Variants in ZNF423 observed in about 807,000 individuals in gnomAD.
ZNF423 encodes Ebf-associated zinc finger protein.
ZNF423 carries 12 observed loss-of-function variants against 95.8 expected under a neutral mutation model. That is an observed-to-expected ratio of 0.13 (90% CI 0.08 to 0.20). The LOEUF (loss-of-function observed/expected upper bound fraction) is 0.20, where lower values mean the gene tolerates loss of function less well. Among genes scored for constraint, ZNF423 ranks in the 10% least tolerant of loss-of-function variants. ZNF423 has a pLI of 1.00. For synonymous variants in ZNF423, 749 were observed against 711.9 expected (o/e 1.05, Z -0.83); for missense variants, 1,316 against 1,737.1 (o/e 0.76, Z 4.31).
chr16:49,779,924 C>T (rs2034182446), intron 2 of ZNF423, among the ~76,000 whole-genome samples: 1 of 152,148 alleles, frequency 6.6e-6, no homozygotes, highest in Non-Finnish European at 1.5e-5. Context: ...CTTGCTGGGG[C>T]AGATGGTCCC....
At chr16:49,776,491 T>C (rs1270644684) in intron 2 of ZNF423, among the ~76,000 whole-genome samples, 4 of 152,116 alleles carry the variant, frequency 2.6e-5, no homozygotes, top group South Asian at 2.1e-4. Context: ...TTCCCCAGCA[T>C]TACCCAGGCT....
At chr16:49,568,255 T>C (rs930259711) in intron 5 of ZNF423, among the ~76,000 whole-genome samples, 12 of 152,154 alleles carry the variant, frequency 7.9e-5, no homozygotes, top group African/African-American at 2.2e-4. Context: ...TGGAACACCA[T>C]GGAACTGCCA....
intron 1 of ZNF423, among the ~76,000 whole-genome samples, chr16:49,812,573 A>C (rs1430004646): frequency 6.6e-6 from 1 of 152,148 alleles, no homozygotes; most frequent in African/African-American, 2.4e-5. Flanking sequence ...TGCGCTACTC[A>C]GGAGGCTAAG....
chr16:49,655,459 C>A (rs898033800), intron 3 of ZNF423, among the ~76,000 whole-genome samples: 6 of 152,178 alleles, frequency 3.9e-5, no homozygotes, highest in African/African-American at 1.4e-4. Flanking sequence ...CCCCAACGAC[C>A]CAGGGCTCTC....
intron 2 of ZNF423, among the ~76,000 whole-genome samples, chr16:49,754,603 G>A (rs941213234): frequency 1.3e-5 from 2 of 152,200 alleles, no homozygotes; most frequent in Non-Finnish European, 2.9e-5. Context: ...CAGTGCAAGG[G>A]ATGGAGGGGC....
chr16:49,792,889 A>G (rs768337716), intron 1 of ZNF423, among the ~76,000 whole-genome samples: 1 of 152,016 alleles, frequency 6.6e-6, no homozygotes, highest in African/African-American at 2.4e-5. Flanking sequence ...AGCCTCCTGC[A>G]TAGCTAAGAC....
At chr16:49,529,886 C>T (rs987445179) in intron 5 of ZNF423, among the ~76,000 whole-genome samples, 1 of 152,102 alleles carries the variant, frequency 6.6e-6, no homozygotes, top group Non-Finnish European at 1.5e-5. Context: ...TCCCTGCCTA[C>T]CCCCTCTCTT....
chr16:49,581,254 C>T (rs560095210), intron 5 of ZNF423, among the ~76,000 whole-genome samples: 3 of 152,052 alleles, frequency 2.0e-5, no homozygotes, highest in Non-Finnish European at 2.9e-5. Flanking sequence ...CAATTGGGAG[C>T]GGAGAGTTTA....
intron 2 of ZNF423, among the ~76,000 whole-genome samples, chr16:49,763,926 C>G (rs1001595267): frequency 6.6e-6 from 1 of 152,174 alleles, no homozygotes; most frequent in Non-Finnish European, 1.5e-5. Flanking sequence ...TGTCTGGCAA[C>G]CAGACACCAC....
intron 1 of ZNF423, among the ~76,000 whole-genome samples, chr16:49,796,916 T>A (rs2034507472): frequency 6.6e-6 from 1 of 152,110 alleles, no homozygotes; most frequent in Non-Finnish European, 1.5e-5. Flanking sequence ...CATAGACCAA[T>A]GGCTCTCATT....
In ZNF423 at chr16:49,491,139, G is replaced by A. The variant is rs1262930527; in HGVS notation, c.*136C>T. 20 of 982,242 alleles carry A rather than the reference G, an allele frequency of 2.0e-5. No individual in the cohort carries two copies. The highest frequency in any genetic ancestry group is 3.9e-5 in the South Asian group (3 of 76,462). The allele number at this position is 982,242 out of a possible 1,614,324, so 60.8% of individuals were successfully genotyped here. A position where few individuals can be genotyped will look rare whatever the true frequency, so the allele number is the denominator to read the frequency against. ...TCATTTCCAGCTGCTTATAATAGCA[G>A]CGCCTCATGGCCAAATCATTAGAGT... On this transcript the variant is annotated 3_prime_UTR_variant, in exon 8 of 8. Transcript: ENST00000563137.
At chr16:49,534,361 C>T (rs1968979973) in intron 5 of ZNF423, among the ~76,000 whole-genome samples, 1 of 152,158 alleles carries the variant, frequency 6.6e-6, no homozygotes, top group East Asian at 1.9e-4. Context: ...TCAAGCGATT[C>T]CCCTGCCTTA....
intron 3 of ZNF423, chr16:49,711,929 C>A (rs547729112): frequency 6.6e-6 from 1 of 152,228 alleles, no homozygotes; most frequent in East Asian, 1.9e-4. Context: ...GGGCAACACA[C>A]GGTGAGACCT....
intron 5 of ZNF423, among the ~76,000 whole-genome samples, chr16:49,530,531 C>G (rs561681108): frequency 1.3e-5 from 2 of 148,262 alleles, no homozygotes; most frequent in Non-Finnish European, 2.9e-5. Flanking sequence ...GTGCCTAGAA[C>G]AGGATCTGGC....
intron 3 of ZNF423, among the ~76,000 whole-genome samples, chr16:49,722,819 T>C (rs1166652970): frequency 6.6e-6 from 1 of 152,170 alleles, no homozygotes; most frequent in Non-Finnish European, 1.5e-5. Context: ...ACCCCAAGCC[T>C]GGACATCATG....
rs201843026 is a variant in ZNF423, at chr16:49,628,566, T to C, written c.3517-2312A>G. On this transcript the variant is annotated intron_variant, in intron 4 of 7. Coordinates refer to ENST00000563137, the MANE Select transcript of ZNF423 (RefSeq NM_001379286.1). ...CCATCCATCCATCCATCCATCCATC[T>C]ATCTATCTATTTTTCTACCTATCCA... Among the ~76,000 whole-genome samples the C allele has an allele frequency of 1.0e-4, 14 of 140,192 alleles. No individual in the cohort carries two copies. In the East Asian group the frequency reaches 1.1e-3, roughly 11 times the overall value. 92.0% of individuals were successfully genotyped at this position (140,192 alleles called of 152,430 possible).
rs66522223 is a variant in ZNF423 at position 49,702,909 on chromosome 16, G to GCACACA, written c.301+27856_301+27861dup. ...CAAGCCAACCTGCCTGTGTGCACAC[G>GCACACA]CACACACACACACACACACACACAC... On this transcript the variant is annotated intron_variant, in intron 3 of 7. Transcript: ENST00000563137. Among the ~76,000 whole-genome samples the GCACACA allele has an allele frequency of 7.6e-4, 112 of 147,644 alleles. 1 individual carries two copies. Among genetic ancestry groups the GCACACA allele is most frequent in the East Asian group, 2.9e-3 (14 of 4,788 alleles).
chr16:49,836,860 C>T lies in ZNF423; in HGVS notation c.40+18875G>A, dbSNP rs185033430. ...AGAGAGGTCTGGGACCAGGCCCAACCTTGTCCAACACGTCCCAGTAGGAAA... is the reference window on the plus strand; with the variant it reads ...AGAGAGGTCTGGGACCAGGCCCAACTTTGTCCAACACGTCCCAGTAGGAAA... On this transcript the variant is annotated intron_variant, in intron 1 of 7. Coordinates refer to ENST00000563137, the MANE Select transcript of ZNF423 (RefSeq NM_001379286.1). Among the ~76,000 whole-genome samples, 3 of 152,314 alleles carry T rather than the reference C, an allele frequency of 2.0e-5. No individual in the cohort carries two copies. In the East Asian group the frequency reaches 5.8e-4, roughly 29 times the overall value.
chr16:49,630,892 G>A (rs754180604), intron 4 of ZNF423, among the ~76,000 whole-genome samples: 3 of 151,984 alleles, frequency 2.0e-5, no homozygotes, highest in Non-Finnish European at 2.9e-5. Flanking sequence ...GGGAAGGGCC[G>A]GGAGAAGGGC....
Sources: gnomAD v4.1 joint callset for allele counts (sites outside exome capture counted in the v4.1 genomes callset) on GRCh38, gnomAD v4.1.1 for gene constraint, MANE v1.5 for transcripts, NCBI Gene and HGNC (gene_info 2026-07-23, HGNC 2026-07-21) for gene names.